Variants in FAM107A observed in about 807,000 individuals in gnomAD.
The protein encoded by FAM107A is actin-associated protein FAM107A.
A neutral mutation model predicts 13.7 loss-of-function variants in FAM107A; 19 were observed. The observed-to-expected ratio is 1.38, with a 90% confidence interval of 0.97 to 2.03. FAM107A has a LOEUF of 2.03. Ranked by LOEUF, FAM107A falls within the 30% of genes most tolerant of loss-of-function variation. FAM107A has a pLI of 0.00. For synonymous variants in FAM107A, 82 were observed against 74.5 expected, an observed-to-expected ratio of 1.10 and a Z score of -0.52; for missense variants, 203 against 184.4, an observed-to-expected ratio of 1.10 and a Z score of -0.58.
At chr3:58,596,673 G>C (rs10866023) in intron 1 of FAM107A, among the ~76,000 whole-genome samples, 37,830 of 143,502 alleles carry the variant, frequency 0.26, 5,565 homozygotes, top group East Asian at 0.62. Context: ...AGCCAGACTC[G>C]GTCTCAAAAA....
upstream of FAM107A, among the ~76,000 whole-genome samples, chr3:58,588,199 G>A (rs2065626001): frequency 6.6e-6 from 1 of 152,240 alleles, no homozygotes; most frequent in African/African-American, 2.4e-5. Flanking sequence ...GAAATCTAGA[G>A]ATTCCTGGAG....
chr3:58,572,751 A>G (rs2063696616), intron 1 of FAM107A: 1 of 152,190 alleles, frequency 6.6e-6, no homozygotes, highest in Admixed American at 6.5e-5. Context: ...TTCCAGGGGA[A>G]AAATCTGTGA....
At chr3:58,620,754 C>A (rs971398907) in intron 1 of FAM107A, among the ~76,000 whole-genome samples, 2 of 152,232 alleles carry the variant, frequency 1.3e-5, no homozygotes, top group East Asian at 1.9e-4. Context: ...CAGTGCCCAA[C>A]CTGTACACCT....
At chr3:58,596,587 G>C (rs901673857) in intron 1 of FAM107A, among the ~76,000 whole-genome samples, 2 of 151,798 alleles carry the variant, frequency 1.3e-5, no homozygotes, top group Non-Finnish European at 2.9e-5. Context: ...GCTGAGGCAG[G>C]AGAATCGCTT....
intron 1 of FAM107A, chr3:58,572,706 A>C (rs1290302761): frequency 6.6e-6 from 1 of 152,084 alleles, no homozygotes; most frequent in East Asian, 1.9e-4. Flanking sequence ...GGTTTCCTTC[A>C]CTTCCAATGG....
intron 1 of FAM107A, among the ~76,000 whole-genome samples, chr3:58,571,815 A>G (rs1324147658): frequency 2.0e-5 from 3 of 152,186 alleles, no homozygotes; most frequent in Non-Finnish European, 1.5e-5. Context: ...CCACACTTTA[A>G]TAACTACTTT....
chr3:58,625,000 C>T (rs1005473559), intron 1 of FAM107A, among the ~76,000 whole-genome samples: 2 of 142,512 alleles, frequency 1.4e-5, no homozygotes, highest in African/African-American at 5.1e-5. Context: ...TGGGGTGGGG[C>T]TGAGGAAGAT....
chr3:58,585,542 G>A (rs1458850133), intron 1 of FAM107A, among the ~76,000 whole-genome samples: 2 of 152,252 alleles, frequency 1.3e-5, no homozygotes, highest in Non-Finnish European at 2.9e-5. Flanking sequence ...CGGGGCGCGG[G>A]GACAGGCACC....
intron 1 of FAM107A, among the ~76,000 whole-genome samples, chr3:58,585,819 T>C (rs967988840): frequency 4.5e-4 from 69 of 152,228 alleles, no homozygotes; most frequent in African/African-American, 1.3e-3. Flanking sequence ...TCTCTTTTTT[T>C]CCCCCCTACA....
intron 1 of FAM107A, among the ~76,000 whole-genome samples, chr3:58,615,555 A>G (rs2065893534): frequency 6.6e-6 from 1 of 152,154 alleles, no homozygotes; most frequent in South Asian, 2.1e-4. Context: ...AGCTCTGTGA[A>G]GGAACTGCAG....
chr3:58,574,044 G>C (rs2063710251), intron 1 of FAM107A: 1 of 152,186 alleles, frequency 6.6e-6, no homozygotes, highest in Non-Finnish European at 1.5e-5. Flanking sequence ...TGGCTACCAG[G>C]GCTGCCACAT....
intron 1 of FAM107A, among the ~76,000 whole-genome samples, chr3:58,605,096 G>T (rs1559484556): frequency 1.3e-5 from 2 of 152,178 alleles, no homozygotes; most frequent in African/African-American, 4.8e-5. Flanking sequence ...TGAAGGATTT[G>T]GTTTTAGGCT....
intron 1 of FAM107A, among the ~76,000 whole-genome samples, chr3:58,575,724 C>A (rs764879890): frequency 4.6e-5 from 7 of 152,288 alleles, no homozygotes; most frequent in Non-Finnish European, 8.8e-5. Context: ...AACATGGAGG[C>A]CTGCTAACTT....
chr3:58,592,695 C>A (rs1034048490), intron 1 of FAM107A, among the ~76,000 whole-genome samples: 1 of 152,182 alleles, frequency 6.6e-6, no homozygotes, highest in African/African-American at 2.4e-5. Flanking sequence ...GTAGAACGGA[C>A]TAATGGTCTT....
At chr3:58,568,941 C>T (rs1026819809) in intron 2 of FAM107A, among the ~76,000 whole-genome samples, 5 of 152,156 alleles carry the variant, frequency 3.3e-5, no homozygotes, top group Non-Finnish European at 5.9e-5. Context: ...CACACCACGG[C>T]CTTCCACGGA....
At chr3:58,579,891 A>G (rs1466687977), upstream of FAM107A, among the ~76,000 whole-genome samples, 4 of 152,234 alleles carry the variant, frequency 2.6e-5, no homozygotes, top group African/African-American at 9.6e-5. Context: ...CAACTTGTAT[A>G]CAAACCCATC....
chr3:58,626,853 A>T (rs1383838966), intron 1 of FAM107A: 2 of 916,780 alleles, frequency 2.2e-6, no homozygotes, highest in Non-Finnish European at 3.4e-6. Flanking sequence ...TTCCAGGGGG[A>T]GGGCTGGTGG....
chr3:58,580,411 A>AT (rs35805159), upstream of FAM107A, among the ~76,000 whole-genome samples: 12,183 of 89,042 alleles, frequency 0.14, 1,292 homozygotes, highest in Non-Finnish European at 0.18. Context: ...AGGAATCTGG[A>AT]TTTTTTTTTT....
Position 58,569,998 on chromosome 3 carries a change from G to T in FAM107A, c.-5-133C>A. 1.2e-6 allele frequency: 1 copy of T among 801,178 alleles called. No homozygotes were observed. The highest frequency in any genetic ancestry group is 1.9e-6 in the Non-Finnish European group (1 of 524,770). 49.6% of individuals were successfully genotyped at this position (801,178 alleles called of 1,614,324 possible). ...CCTGCTACTGCGCATACCTGGGCAA[G>T]CTACCTGACTTTCTGAGCCTTAGTT... On this transcript the variant is annotated intron_variant, in intron 1 of 3. Coordinates refer to ENST00000360997, the MANE Select transcript of FAM107A (RefSeq NM_001076778.3). This position sits in a 1 kb window ranked among gnomAD's most constrained non-coding sequence, Gnocchi z 5.7.
Sources: allele counts gnomAD v4.1 joint callset (sites outside exome capture counted in the v4.1 genomes callset), GRCh38; gene constraint gnomAD v4.1.1; non-coding constraint Gnocchi (gnomAD v3.1); transcripts MANE v1.5; gene names NCBI Gene and HGNC (gene_info 2026-07-23, HGNC 2026-07-21).